TANC2: variants seen among roughly 807,000 people sequenced by gnomAD.
The protein encoded by TANC2 is protein TANC2.
A neutral mutation model predicts 210.5 loss-of-function variants in TANC2; 26 were observed. The ratio of observed to expected loss-of-function variants is 0.12; its 90% CI spans 0.09 to 0.17. The LOEUF (loss-of-function observed/expected upper bound fraction) is 0.17, where lower values mean the gene tolerates loss of function less well. Ranked by LOEUF, TANC2 falls within the 10% of genes least tolerant of loss-of-function variation. The probability of loss-of-function intolerance (pLI) is 1.00; values close to 1 mark genes in which losing one functional copy is unlikely to be tolerated. For missense variants in TANC2, 2,129 were observed against 2,608.9 expected (o/e 0.82, Z 4.01); for synonymous variants, 931 against 967.1 (o/e 0.96, Z 0.69).
chr17:63,363,528 A>G (rs1180377041), intron 14 of TANC2, among the ~76,000 whole-genome samples: 1 of 152,122 alleles, frequency 6.6e-6, no homozygotes, highest in Non-Finnish European at 1.5e-5. Flanking sequence ...TTTTGATTTG[A>G]TTTTTGTATA....
intron 2 of TANC2, among the ~76,000 whole-genome samples, chr17:63,047,404 A>T (rs1232567999): frequency 6.6e-6 from 1 of 152,138 alleles, no homozygotes; most frequent in Non-Finnish European, 1.5e-5. Flanking sequence ...TTGAGAAGAG[A>T]ATGGATATAG....
intron 2 of TANC2, among the ~76,000 whole-genome samples, chr17:63,012,408 A>G (rs2033913484): frequency 6.6e-6 from 1 of 152,158 alleles, no homozygotes; most frequent in Non-Finnish European, 1.5e-5. Flanking sequence ...TTACCTAAAG[A>G]TTAAAACAAT....
intron 9 of TANC2, among the ~76,000 whole-genome samples, chr17:63,296,947 T>C (rs2044554750): frequency 6.6e-6 from 1 of 151,986 alleles, no homozygotes; most frequent in Admixed American, 6.6e-5. Flanking sequence ...AGTTTGTAAA[T>C]GTGCACTTGA....
intron 8 of TANC2, among the ~76,000 whole-genome samples, chr17:63,246,168 A>C (rs375757255): frequency 6.6e-5 from 10 of 152,082 alleles, no homozygotes; most frequent in African/African-American, 2.4e-4. Context: ...TAACTACAAC[A>C]AATAGATAAT....
At chr17:63,049,296 A>G (rs755931197) in intron 2 of TANC2, among the ~76,000 whole-genome samples, 5 of 152,234 alleles carry the variant, frequency 3.3e-5, no homozygotes, top group Admixed American at 6.5e-5. Context: ...GGTAAAACAT[A>G]GAATATATTA....
chr17:63,357,393 G>A (rs532718420), intron 14 of TANC2, among the ~76,000 whole-genome samples: 1 of 152,134 alleles, frequency 6.6e-6, no homozygotes, highest in African/African-American at 2.4e-5. Flanking sequence ...TCTCAACATC[G>A]CATTTTAACT....
At chr17:63,299,526 A>G (rs1375201634) in intron 9 of TANC2, among the ~76,000 whole-genome samples, 2 of 142,966 alleles carry the variant, frequency 1.4e-5, no homozygotes, top group Non-Finnish European at 3.0e-5. Context: ...ATGGTCAGTG[A>G]TGTTAAGCTT....
At chr17:63,405,076 A>G (rs2048459008) in intron 19 of TANC2, 46 bp from the exon 20 acceptor site, 1 of 1,536,158 alleles carries the variant, frequency 6.5e-7, no homozygotes, top group African/African-American at 1.4e-5. Flanking sequence ...GGAGCGCTGG[A>G]GAGGACCAGA....
chr17:63,252,304 G>A (rs2043073827), intron 8 of TANC2, among the ~76,000 whole-genome samples: 2 of 152,072 alleles, frequency 1.3e-5, no homozygotes, highest in East Asian at 1.9e-4. Context: ...CATACAATAT[G>A]TAATAATCAC....
chr17:63,056,384 T>A (rs2035808390), intron 2 of TANC2, among the ~76,000 whole-genome samples: 1 of 152,042 alleles, frequency 6.6e-6, no homozygotes. Flanking sequence ...ATTCATTTTT[T>A]AAAATTAAGG....
intron 9 of TANC2, among the ~76,000 whole-genome samples, chr17:63,297,948 A>G (rs945773087): frequency 6.6e-6 from 1 of 152,302 alleles, no homozygotes; most frequent in Middle Eastern, 3.4e-3. Flanking sequence ...CTAGCTTATG[A>G]AAAGATGTTC....
intron 4 of TANC2, among the ~76,000 whole-genome samples, chr17:63,139,041 C>CA (rs1442520494): frequency 6.6e-6 from 1 of 152,166 alleles, no homozygotes; most frequent in Non-Finnish European, 1.5e-5. Context: ...GAAAAGATGG[C>CA]AAAAATTTTT....
intron 11 of TANC2, among the ~76,000 whole-genome samples, chr17:63,322,714 A>G (rs1480141067): frequency 1.3e-5 from 2 of 152,232 alleles, no homozygotes; most frequent in Admixed American, 1.3e-4. Context: ...ACAAATACAT[A>G]TATAGTATGT....
At chr17:62,987,514 G>C (rs1448438541) in intron 1 of TANC2, among the ~76,000 whole-genome samples, 1 of 152,172 alleles carries the variant, frequency 6.6e-6, no homozygotes, top group Non-Finnish European at 1.5e-5. Flanking sequence ...AGGACTATAG[G>C]AGTCTCCTGT....
intron 9 of TANC2, among the ~76,000 whole-genome samples, chr17:63,291,858 G>A (rs1394924193): frequency 6.6e-6 from 1 of 152,102 alleles, no homozygotes; most frequent in African/African-American, 2.4e-5. Flanking sequence ...TGGGAAAAGA[G>A]GAAAGGGATT....
At chr17:63,176,675 G>A (rs183973866) in intron 5 of TANC2, among the ~76,000 whole-genome samples, 3 of 151,806 alleles carry the variant, frequency 2.0e-5, no homozygotes, top group East Asian at 1.9e-4. Flanking sequence ...GTGTGGTGGC[G>A]GGCACCTGTA....
At chr17:63,264,819 C>T (rs566358190) in intron 8 of TANC2, among the ~76,000 whole-genome samples, 4 of 152,056 alleles carry the variant, frequency 2.6e-5, no homozygotes, top group East Asian at 1.9e-4. Context: ...ATTAGCTGAG[C>T]GTGGTGATGC....
intron 2 of TANC2, among the ~76,000 whole-genome samples, chr17:63,035,569 C>T (rs1255456490): frequency 2.6e-5 from 4 of 152,104 alleles, no homozygotes; most frequent in Non-Finnish European, 5.9e-5. Flanking sequence ...AATGGTATGC[C>T]ATTGTATGGA....
At chr17:63,041,656 AAGT>A (rs1162806810) in intron 2 of TANC2, among the ~76,000 whole-genome samples, 2 of 152,148 alleles carry the variant, frequency 1.3e-5, no homozygotes, top group Admixed American at 6.5e-5. Context: ...TGAACTTTCT[AAGT>A]AGTATTCTGT....
Sources: allele counts gnomAD v4.1 joint callset (sites outside exome capture counted in the v4.1 genomes callset), GRCh38; gene constraint gnomAD v4.1.1; transcripts MANE v1.5; gene names NCBI Gene and HGNC (gene_info 2026-07-23, HGNC 2026-07-21).